Variants in HPCAL1 observed in about 807,000 individuals in gnomAD.
HPCAL1 encodes hippocalcin like 1.
In HPCAL1, 8 loss-of-function variants were observed where a neutral mutation model predicts 17.1. The observed-to-expected ratio is 0.47, with a 90% CI of 0.27 to 0.84. The LOEUF is 0.84. HPCAL1 is among the 40% of genes least tolerant of loss of function. The pLI is 0.13. For synonymous variants in HPCAL1, 112 were observed against 111.4 expected (o/e 1.01, Z -0.03); for missense variants, 165 against 271.1 (o/e 0.61, Z 2.75).
At chr2:10,312,877 C>G (rs1343615749) in intron 1 of HPCAL1, among the ~76,000 whole-genome samples, 1 of 152,040 alleles carries the variant, frequency 6.6e-6, no homozygotes, top group Non-Finnish European at 1.5e-5. Context: ...ACCACCACCA[C>G]CATCACCATC....
intron 1 of HPCAL1, among the ~76,000 whole-genome samples, chr2:10,385,854 C>T (rs577683410): frequency 2.2e-4 from 34 of 152,212 alleles, no homozygotes; most frequent in Admixed American, 2.2e-3. Flanking sequence ...CCCCCACTGC[C>T]CTGGACGCCT....
Position 10,385,183 on chromosome 2 carries a change from G to A in HPCAL1, c.-110-11652G>A, listed in dbSNP as rs919615943. ...TGCGCATGTGAGTGAGCAGCTGTGC[G>A]GTGGTCCTTGCCATCTTCCCATCAG... On this transcript the variant is annotated intron_variant, in intron 1 of 4. Coordinates refer to ENST00000307845, the MANE Select transcript of HPCAL1 (RefSeq NM_002149.4). 3.3e-5 allele frequency among the ~76,000 whole-genome samples: 5 copies of A among 152,074 alleles called. No homozygotes were observed. The South Asian group carries it at 6.2e-4, about 19-fold the overall frequency.
At chr2:10,406,505 G>C (rs917709724) in intron 2 of HPCAL1, 21 of 152,314 alleles carry the variant, frequency 1.4e-4, no homozygotes, top group African/African-American at 5.1e-4. Context: ...ACTGAGGTGT[G>C]GGTGAAGGAA....
At chr2:10,413,460 G>A (rs1478033215) in intron 2 of HPCAL1, among the ~76,000 whole-genome samples, 4 of 152,214 alleles carry the variant, frequency 2.6e-5, no homozygotes, top group African/African-American at 9.6e-5. Context: ...CACCCACCTT[G>A]TGCCAGGCCC....
At chr2:10,350,422 C>T (rs969381309) in intron 1 of HPCAL1, among the ~76,000 whole-genome samples, 2 of 151,756 alleles carry the variant, frequency 1.3e-5, no homozygotes, top group African/African-American at 4.8e-5. Context: ...GCAATCCCCC[C>T]ACCTCAGCCT....
intron 1 of HPCAL1, among the ~76,000 whole-genome samples, chr2:10,391,903 C>G (rs968908892): frequency 6.6e-6 from 1 of 152,144 alleles, no homozygotes; most frequent in African/African-American, 2.4e-5. Flanking sequence ...CGCGTGCCAC[C>G]ACACCCGGCT....
chr2:10,308,725 C>T (rs1210632937), intron 1 of HPCAL1, among the ~76,000 whole-genome samples: 2 of 152,126 alleles, frequency 1.3e-5, no homozygotes, highest in Admixed American at 1.3e-4. Context: ...AAGTTGTGTT[C>T]CTCACATTTC....
intron 1 of HPCAL1, among the ~76,000 whole-genome samples, chr2:10,305,166 A>T (rs1224596535): frequency 6.6e-6 from 1 of 152,110 alleles, no homozygotes; most frequent in East Asian, 1.9e-4. Context: ...TTTATGTCCT[A>T]CAAGAAAAAA....
chr2:10,349,995 A>G (rs1014333372), intron 1 of HPCAL1, among the ~76,000 whole-genome samples: 3 of 152,168 alleles, frequency 2.0e-5, no homozygotes, highest in African/African-American at 7.2e-5. Flanking sequence ...CTGATATTAT[A>G]CAGTTATTTT....
At chr2:10,346,038 G>T (rs1229900850) in intron 1 of HPCAL1, among the ~76,000 whole-genome samples, 9 of 152,180 alleles carry the variant, frequency 5.9e-5, no homozygotes, top group African/African-American at 1.7e-4. Context: ...TGCCCTGGGG[G>T]TGTGTGTGTC....
rs1406059838 is a variant in HPCAL1 at position 10,342,269 on chromosome 2, T to TA, written c.-111+39094dup. ...TTTTTCCTTGCTGAGTGGTTATCAT[T>TA]AACCTGTTGAATAAGCAACAGGCCG... On this transcript the variant is annotated intron_variant, in intron 1 of 4. Coordinates refer to ENST00000307845, the MANE Select transcript of HPCAL1 (RefSeq NM_002149.4). This position sits in a 1 kb window ranked among gnomAD's most constrained non-coding sequence, Gnocchi z 4.1. Among the ~76,000 whole-genome samples the TA allele has an allele frequency of 6.6e-6, 1 of 152,208 alleles. No individual in the cohort carries two copies. Among genetic ancestry groups the TA allele is most frequent in the Non-Finnish European group, 1.5e-5 (1 of 68,032 alleles).
At chr2:10,353,019 C>T (rs975781445) in intron 1 of HPCAL1, among the ~76,000 whole-genome samples, 1 of 152,142 alleles carries the variant, frequency 6.6e-6, no homozygotes, top group Non-Finnish European at 1.5e-5. Context: ...TAGAGAAAGG[C>T]GATTGGAATT....
intron 1 of HPCAL1, among the ~76,000 whole-genome samples, chr2:10,341,373 C>T (rs1384685154): frequency 6.6e-6 from 1 of 152,072 alleles, no homozygotes; most frequent in East Asian, 1.9e-4. Flanking sequence ...ATCACCTGAG[C>T]CCAGGAAGTC....
rs7570714 is a variant in HPCAL1, at chr2:10,394,864, C to T, written c.-110-1971C>T. Among the ~76,000 whole-genome samples, 58,262 of 151,452 alleles carry T rather than the reference C, an allele frequency of 0.38. 11,438 individuals carry two copies. The highest frequency in any genetic ancestry group is 0.49 in the South Asian group (2,366 of 4,794). ...AGGCTGGAGTGCAGTGGTGTGATCT[C>T]GGCTCACTGCAACCTCAGCCTTCTG... On this transcript the variant is annotated intron_variant, in intron 1 of 4. Coordinates refer to ENST00000307845, the MANE Select transcript of HPCAL1 (RefSeq NM_002149.4). This position sits in a 1 kb window ranked among gnomAD's most constrained non-coding sequence, Gnocchi z 5.0.
chr2:10,399,538 C>T (rs1221034663), intron 2 of HPCAL1, among the ~76,000 whole-genome samples: 19 of 107,500 alleles, frequency 1.8e-4, no homozygotes, highest in Non-Finnish European at 3.0e-4. Flanking sequence ...ACTGCCACCG[C>T]CACCATCACC....
intron 1 of HPCAL1, among the ~76,000 whole-genome samples, chr2:10,313,580 G>A (rs992731002): frequency 3.9e-5 from 6 of 152,216 alleles, no homozygotes; most frequent in African/African-American, 1.4e-4. Flanking sequence ...CAGTGGTCTG[G>A]AAGCCAACAA....
At chr2:10,391,094 G>A (rs1301960119) in intron 1 of HPCAL1, among the ~76,000 whole-genome samples, 1 of 152,190 alleles carries the variant, frequency 6.6e-6, no homozygotes, top group African/African-American at 2.4e-5. Context: ...AGGTGGGGAC[G>A]CTGTCCCTGT....
At chr2:10,348,220 T>G (rs1203026225) in intron 1 of HPCAL1, among the ~76,000 whole-genome samples, 1 of 152,106 alleles carries the variant, frequency 6.6e-6, no homozygotes, top group East Asian at 1.9e-4. Flanking sequence ...GAGGCCAAGG[T>G]GGGCAGTTCA....
chr2:10,418,660 A>T (rs1670834114), intron 2 of HPCAL1, among the ~76,000 whole-genome samples: 7 of 152,128 alleles, frequency 4.6e-5, no homozygotes, highest in Admixed American at 4.6e-4. Flanking sequence ...TTCAAAAATT[A>T]TCACGCCCTG....
Sources: allele counts gnomAD v4.1 joint callset (sites outside exome capture counted in the v4.1 genomes callset), GRCh38; gene constraint gnomAD v4.1.1; non-coding constraint Gnocchi (gnomAD v3.1); transcripts MANE v1.5; gene names NCBI Gene and HGNC (gene_info 2026-07-23, HGNC 2026-07-21).